The following UBE2H variants were observed in gnomAD, a reference collection of about 807,000 sequenced individuals.
UBE2H encodes the protein ubiquitin-conjugating enzyme E2 H.
UBE2H carries 3 observed loss-of-function variants against 29.0 expected under a neutral mutation model. The ratio of observed to expected loss-of-function variants is 0.10; its 90% CI spans 0.05 to 0.27. UBE2H has a LOEUF of 0.27. Ranked by LOEUF, UBE2H falls within the 10% of genes least tolerant of loss-of-function variation. UBE2H has a pLI of 1.00. For synonymous variants in UBE2H, 69 were observed against 82.9 expected, an observed-to-expected ratio of 0.83 and a Z score of 0.91; for missense variants, 68 against 228.2, an observed-to-expected ratio of 0.30 and a Z score of 4.52.
chr7:129,872,491 C>A (rs1403190747), intron 3 of UBE2H, among the ~76,000 whole-genome samples: 1 of 152,070 alleles, frequency 6.6e-6, no homozygotes, highest in African/African-American at 2.4e-5. Flanking sequence ...GTCTATTATT[C>A]TGACAATGAA....
chr7:129,871,436 C>T (rs956598248), intron 3 of UBE2H, among the ~76,000 whole-genome samples: 2 of 152,136 alleles, frequency 1.3e-5, no homozygotes, highest in Admixed American at 6.5e-5. Flanking sequence ...TATCATTGGC[C>T]AGGCACGTTG....
intron 1 of UBE2H, among the ~76,000 whole-genome samples, chr7:129,902,454 T>C (rs1166017407): frequency 1.3e-5 from 2 of 152,176 alleles, no homozygotes; most frequent in African/African-American, 4.8e-5. Flanking sequence ...TGAGCCGAGA[T>C]GCACCATTGC....
intron 3 of UBE2H, among the ~76,000 whole-genome samples, chr7:129,872,845 CAAAAAAAAAA>C (rs34001143): frequency 9.7e-5 from 7 of 71,990 alleles, no homozygotes; most frequent in South Asian, 8.3e-4. Flanking sequence ...CACTCCGTCT[CAAAAAAAAAA>C]AAAAAAAAAA....
rs116450018 is a variant in UBE2H, at chr7:129,887,076, T to C, written c.54-6105A>G. 6.4e-3 allele frequency among the ~76,000 whole-genome samples: 979 copies of C among 152,206 alleles called. 15 individuals are homozygous for C. The highest frequency in any genetic ancestry group is 0.023 in the African/African-American group (938 of 41,530). On this transcript the variant is annotated intron_variant, in intron 1 of 6. Coordinates refer to ENST00000355621, the MANE Select transcript of UBE2H (RefSeq NM_003344.4). ...CACTATTTTTGTTTTACATTTAAGT[T>C]TTCCATAATACAGTAAAAGTTCTTT...
chr7:129,883,597 T>C (rs1178291675), intron 1 of UBE2H, among the ~76,000 whole-genome samples: 1 of 152,226 alleles, frequency 6.6e-6, no homozygotes, highest in Admixed American at 6.5e-5. Context: ...ATCCCAGCAC[T>C]GTGGGGAGCC....
chr7:129,913,760 C>T (rs1412280623), intron 1 of UBE2H, among the ~76,000 whole-genome samples: 7 of 151,908 alleles, frequency 4.6e-5, no homozygotes, highest in African/African-American at 1.7e-4. Context: ...GCTATGATTA[C>T]GCCACTGTAC....
intron 1 of UBE2H, among the ~76,000 whole-genome samples, chr7:129,883,382 G>A (rs1806293288): frequency 2.0e-5 from 3 of 152,182 alleles, no homozygotes; most frequent in Admixed American, 2.0e-4. Flanking sequence ...TACTCCCGGA[G>A]ATACGCCCAA....
intron 3 of UBE2H, among the ~76,000 whole-genome samples, chr7:129,863,808 G>GTTTTTT (rs34701981): frequency 2.9e-5 from 4 of 136,040 alleles, no homozygotes; most frequent in African/African-American, 8.3e-5. Context: ...AATACTAGGT[G>GTTTTTT]TTTTTTTTTT....
At chr7:129,903,346 T>G (rs1466487267) in intron 1 of UBE2H, among the ~76,000 whole-genome samples, 3 of 152,308 alleles carry the variant, frequency 2.0e-5, no homozygotes, top group East Asian at 3.9e-4. Context: ...ATGTGAAAAT[T>G]CTCAATAAGA....
At chr7:129,932,057 C>G (rs537443997) in intron 1 of UBE2H, among the ~76,000 whole-genome samples, 1 of 151,178 alleles carries the variant, frequency 6.6e-6, no homozygotes, top group Non-Finnish European at 1.5e-5. Context: ...CTCCTGACCA[C>G]GTGATCCGCC....
At chr7:129,919,337 A>T (rs1224450576) in intron 1 of UBE2H, among the ~76,000 whole-genome samples, 2 of 152,180 alleles carry the variant, frequency 1.3e-5, no homozygotes, top group African/African-American at 2.4e-5. Context: ...CCATTCCTAG[A>T]CTTGTAAAAA....
intron 3 of UBE2H, among the ~76,000 whole-genome samples, chr7:129,865,552 C>G (rs566880064): frequency 6.6e-6 from 1 of 152,144 alleles, no homozygotes; most frequent in East Asian, 1.9e-4. Flanking sequence ...GTAAATCCAC[C>G]CTACGGTAAA....
At chr7:129,865,031 T>C (rs1489165873) in intron 3 of UBE2H, 1 of 439,648 alleles carries the variant, frequency 2.3e-6, no homozygotes, top group African/African-American at 2.0e-5. Context: ...CTGTCCTGCG[T>C]CTTTTAGCAG....
chr7:129,917,756 G>A (rs1053250465), intron 1 of UBE2H, among the ~76,000 whole-genome samples: 2 of 152,004 alleles, frequency 1.3e-5, no homozygotes, highest in African/African-American at 2.4e-5. Context: ...AAAAGGAGGG[G>A]TAAAAAAACA....
In UBE2H at chr7:129,887,912, C is replaced by CA. The variant is rs1384267187; in HGVS notation, c.54-6942dup. Among the ~76,000 whole-genome samples, 4 of 151,888 alleles carry CA rather than the reference C, an allele frequency of 2.6e-5. No homozygotes were observed. In the South Asian group the frequency reaches 6.2e-4, roughly 24 times the overall value. ...AAACAAAACAAAACAAAAGCAAAAA[C>CA]AAAAAAACCAAAGACTTTACATTGA... On this transcript the variant is annotated intron_variant, in intron 1 of 6. Transcript: ENST00000355621.
chr7:129,899,408 G>T (rs1027144493), intron 1 of UBE2H, among the ~76,000 whole-genome samples: 4 of 152,134 alleles, frequency 2.6e-5, no homozygotes, highest in African/African-American at 9.7e-5. Flanking sequence ...GTAAAATAAA[G>T]TTCACCTTTA....
intron 1 of UBE2H, among the ~76,000 whole-genome samples, chr7:129,932,705 C>A (rs916850597): frequency 7.3e-6 from 1 of 137,134 alleles, no homozygotes; most frequent in African/African-American, 2.7e-5. Flanking sequence ...ACCCGGAAGG[C>A]GGAGGTTGCA....
intron 3 of UBE2H, among the ~76,000 whole-genome samples, chr7:129,878,479 C>A (rs1368786491): frequency 6.6e-6 from 1 of 151,804 alleles, no homozygotes; most frequent in Non-Finnish European, 1.5e-5. Context: ...GTCAGGAGAT[C>A]AAGACCATCC....
intron 6 of UBE2H, among the ~76,000 whole-genome samples, chr7:129,837,518 A>AC (rs1190317408): frequency 6.6e-6 from 1 of 151,326 alleles, no homozygotes; most frequent in Non-Finnish European, 1.5e-5. Context: ...AAAGGAATAA[A>AC]CAGCATGACT....
Sources: gnomAD v4.1 joint callset for allele counts (sites outside exome capture counted in the v4.1 genomes callset) on GRCh38, gnomAD v4.1.1 for gene constraint, MANE v1.5 for transcripts, NCBI Gene and HGNC (gene_info 2026-07-23, HGNC 2026-07-21) for gene names.